Variants in LUZP2 observed in about 807,000 individuals in gnomAD.
LUZP2 encodes the protein leucine zipper protein 2.
A neutral mutation model predicts 51.6 loss-of-function variants in LUZP2; 52 were observed. That is an observed-to-expected ratio of 1.01 (90% CI 0.81 to 1.27). LUZP2 has a LOEUF of 1.27. LUZP2 is among the 50% of genes most tolerant of loss of function. The probability of loss-of-function intolerance (pLI) is 0.00; values close to 1 mark genes in which losing one functional copy is unlikely to be tolerated. For missense variants in LUZP2, 436 were observed against 395.4 expected (o/e 1.10, Z -0.87); for synonymous variants, 154 against 137.3 (o/e 1.12, Z -0.85).
chr11:24,993,760 T>A (rs1223276602), intron 9 of LUZP2, among the ~76,000 whole-genome samples: 1 of 152,108 alleles, frequency 6.6e-6, no homozygotes, highest in Non-Finnish European at 1.5e-5. Context: ...TTTCTTCCAT[T>A]CTGGGGGTTG....
At chr11:24,503,390 G>C (rs759183634) in intron 1 of LUZP2, among the ~76,000 whole-genome samples, 37 of 152,154 alleles carry the variant, frequency 2.4e-4, no homozygotes, top group Non-Finnish European at 4.1e-4. Context: ...CAGAGAAAGT[G>C]CAAATATTTA....
chr11:24,510,352 T>G (rs77967507), intron 1 of LUZP2, among the ~76,000 whole-genome samples: 1 of 152,370 alleles, frequency 6.6e-6, no homozygotes, highest in Non-Finnish European at 1.5e-5. Context: ...TTGGCATGTT[T>G]TGCCATATTG....
intron 5 of LUZP2, among the ~76,000 whole-genome samples, chr11:24,894,120 A>G (rs933598720): frequency 2.6e-5 from 4 of 152,186 alleles, no homozygotes; most frequent in South Asian, 2.1e-4. Flanking sequence ...CTATGAGTGA[A>G]TAGAATATGC....
At chr11:24,824,231 T>C (rs1388293852) in intron 5 of LUZP2, among the ~76,000 whole-genome samples, 3 of 151,172 alleles carry the variant, frequency 2.0e-5, no homozygotes, top group African/African-American at 7.3e-5. Flanking sequence ...CCGGGCATGG[T>C]GGCACATGCC....
chr11:25,048,807 T>C (rs980591107), intron 9 of LUZP2, among the ~76,000 whole-genome samples: 1 of 151,594 alleles, frequency 6.6e-6, no homozygotes, highest in African/African-American at 2.4e-5. Context: ...AAGAATGTAT[T>C]TACTTTTTAT....
At chr11:24,814,525 A>G (rs1850115208) in intron 5 of LUZP2, among the ~76,000 whole-genome samples, 1 of 152,200 alleles carries the variant, frequency 6.6e-6, no homozygotes, top group Non-Finnish European at 1.5e-5. Flanking sequence ...TCTATGGAGA[A>G]CAGCTCTTTT....
chr11:25,068,940 C>A (rs889369741), intron 10 of LUZP2, among the ~76,000 whole-genome samples: 2 of 151,906 alleles, frequency 1.3e-5, no homozygotes, highest in African/African-American at 4.8e-5. Flanking sequence ...TCGCTCAAGC[C>A]TCAGTTCATC....
chr11:24,916,969 A>G (rs960213674), intron 7 of LUZP2, among the ~76,000 whole-genome samples: 17 of 152,072 alleles, frequency 1.1e-4, no homozygotes, highest in African/African-American at 1.7e-4. Flanking sequence ...AAGTGTTCCT[A>G]TTTCTCCACA....
intron 7 of LUZP2, among the ~76,000 whole-genome samples, chr11:24,937,756 C>A (rs1402656637): frequency 3.9e-5 from 6 of 151,968 alleles, no homozygotes; most frequent in Non-Finnish European, 8.8e-5. Flanking sequence ...AAAAAATTAG[C>A]CGGGCGTGGT....
intron 5 of LUZP2, among the ~76,000 whole-genome samples, chr11:24,785,306 A>G (rs905084562): frequency 5.3e-5 from 8 of 152,070 alleles, no homozygotes; most frequent in African/African-American, 1.9e-4. Context: ...AGGAAAAAGG[A>G]GAGGAGGAAA....
chr11:24,779,947 C>T (rs1423684227), intron 5 of LUZP2, among the ~76,000 whole-genome samples: 1 of 152,052 alleles, frequency 6.6e-6, no homozygotes, highest in Non-Finnish European at 1.5e-5. Flanking sequence ...ATTACAACAG[C>T]CATGAGAAAG....
At chr11:24,919,707 C>T (rs1853964314) in intron 7 of LUZP2, among the ~76,000 whole-genome samples, 1 of 149,292 alleles carries the variant, frequency 6.7e-6, no homozygotes, top group African/African-American at 2.4e-5. Context: ...GATGAAAAAT[C>T]CTTTCTTATT....
rs570568122 is a variant in LUZP2, at chr11:24,795,374, G to A, written c.396+32066G>A. 9.4e-4 allele frequency among the ~76,000 whole-genome samples: 143 copies of A among 152,112 alleles called. 2 individuals carry two copies. Among genetic ancestry groups the A allele is most frequent in the African/African-American group, 3.3e-3 (137 of 41,518 alleles). On this transcript the variant is annotated intron_variant, in intron 5 of 11. Coordinates refer to ENST00000336930, the MANE Select transcript of LUZP2 (RefSeq NM_001009909.4). ...AGAAAGTTCACTAATTATTCACTGA[G>A]TATATCTGATTCCTACAGCATTAAA...
intron 1 of LUZP2, among the ~76,000 whole-genome samples, chr11:24,622,640 TA>T (rs1854538663): frequency 6.6e-6 from 1 of 152,204 alleles, no homozygotes; most frequent in Non-Finnish European, 1.5e-5. Flanking sequence ...CAAATCTGAC[TA>T]AAGTGCTTAT....
intron 4 of LUZP2, among the ~76,000 whole-genome samples, chr11:24,742,022 AT>A (rs1859195493): frequency 7.9e-6 from 1 of 126,314 alleles, no homozygotes; most frequent in African/African-American, 3.6e-5. Context: ...ATATAATTAT[AT>A]ATTTTATATA....
chr11:24,864,949 C>T (rs1163695352), intron 5 of LUZP2, among the ~76,000 whole-genome samples: 1 of 152,176 alleles, frequency 6.6e-6, no homozygotes, highest in African/African-American at 2.4e-5. Flanking sequence ...TTCAGCATCT[C>T]ACAATTGCAT....
At position 24,745,767 on chromosome 11, in the gene LUZP2, T is replaced by C. The variant is rs537082360; in HGVS notation, c.333+7465T>C. 1.4e-3 allele frequency among the ~76,000 whole-genome samples: 208 copies of C among 152,242 alleles called. 1 individual carries two copies. Among genetic ancestry groups the C allele is most frequent in the African/African-American group, 4.7e-3 (196 of 41,552 alleles). ...ATCTTGGCTCACTGCAACCTCCACC[T>C]CCTGGGTTCAAGCGATTTTCCTATC... is the stretch of plus-strand genomic sequence containing the variant. On this transcript the variant is annotated intron_variant, in intron 4 of 11. Transcript: ENST00000336930.
intron 1 of LUZP2, among the ~76,000 whole-genome samples, chr11:24,596,982 G>A (rs186700397): frequency 6.6e-6 from 1 of 152,282 alleles, no homozygotes; most frequent in Admixed American, 6.5e-5. Context: ...ATCATGCTAT[G>A]CTGTGATTAA....
At chr11:25,059,951 G>T (rs943667436) in intron 10 of LUZP2, among the ~76,000 whole-genome samples, 11 of 152,152 alleles carry the variant, frequency 7.2e-5, no homozygotes, top group African/African-American at 1.9e-4. Context: ...GGAGATGAAA[G>T]ATAGAACCAA....
Sources: allele counts gnomAD v4.1 joint callset (sites outside exome capture counted in the v4.1 genomes callset), GRCh38; gene constraint gnomAD v4.1.1; transcripts MANE v1.5; gene names NCBI Gene and HGNC (gene_info 2026-07-23, HGNC 2026-07-21).